The following OTC variants were observed in gnomAD, a reference collection of about 807,000 sequenced individuals.
OTC encodes the protein ornithine transcarbamylase, mitochondrial.
Under a neutral mutation model 30.3 loss-of-function variants are expected in OTC, and 3 were observed. The observed-to-expected ratio is 0.10, with a 90% CI of 0.05 to 0.26. The LOEUF (loss-of-function observed/expected upper bound fraction) is 0.26, where lower values mean the gene tolerates loss of function less well. Ranked by LOEUF, OTC falls within the 10% of genes least tolerant of loss-of-function variation. The pLI, the probability that OTC is intolerant of heterozygous loss-of-function variation, is 1.00. For missense variants in OTC, 194 were observed against 260.3 expected (o/e 0.75, Z 1.75); for synonymous variants, 111 against 99.7 (o/e 1.11, Z -0.67).
At chrX:38,365,565 T>C (rs2068291416) in intron 1 of OTC, among the ~76,000 whole-genome samples, 1 of 112,214 alleles carries the variant, frequency 8.9e-6, no homozygotes, top group Non-Finnish European at 1.9e-5. Context: ...AAGAGAGGGG[T>C]TGGAAATTAG....
the OTC span, among the ~76,000 whole-genome samples, chrX:38,332,531 T>TATATATATATATATA: frequency 2.2e-5 from 2 of 90,855 alleles, no homozygotes; most frequent in African/African-American, 8.1e-5. Context: ...TATATATATA[T>TATATATATATATATA]ATCATATAAC....
chrX:38,364,989 C>A (rs1042927282), intron 1 of OTC, among the ~76,000 whole-genome samples: 1 of 112,238 alleles, frequency 8.9e-6, no homozygotes, highest in African/African-American at 3.2e-5. Context: ...GTGCAATATT[C>A]ACTTGTCTAA....
chrX:38,331,430 TG>T, the OTC span, among the ~76,000 whole-genome samples: 42 of 86,949 alleles, frequency 4.8e-4, no homozygotes, highest in Non-Finnish European at 8.4e-4. Context: ...ATTTTTTTTT[TG>T]TTTTTTTTTT....
rs763076530 is a variant in OTC at position 38,412,011 on chromosome X, A to G, written c.1005+12A>G. 2 of 1,208,348 alleles carry G rather than the reference A, an allele frequency of 1.7e-6. No individual in the cohort carries two copies. Among genetic ancestry groups the G allele is most frequent in the Admixed American group, 4.3e-5 (2 of 46,018 alleles). ...AGTGGACAATCATGGTAAGCAAGAA[A>G]CAAGGAATGGAGGATAAGTTCTTTG... On this transcript the variant is annotated intron_variant, in intron 9 of 9. Coordinates refer to ENST00000039007, the MANE Select transcript of OTC (RefSeq NM_000531.6).
At chrX:38,352,301 T>C (rs1486777942), upstream of OTC, among the ~76,000 whole-genome samples, 3 of 112,127 alleles carry the variant, frequency 2.7e-5, no homozygotes, top group African/African-American at 9.7e-5. Flanking sequence ...ATTTGCATTT[T>C]CTGAGTGAGT....
rs397753538 is a variant in OTC at position 38,389,402 on chromosome X, T to TAA, written c.386+7982_386+7983dup. Among the ~76,000 whole-genome samples the TAA allele has an allele frequency of 4.6e-3, 475 of 103,785 alleles. 2 individuals are homozygous for TAA. Among genetic ancestry groups the TAA allele is most frequent in the African/African-American group, 0.011 (319 of 28,663 alleles). The allele number at this position is 103,785 out of a possible 115,157, so 90.1% of individuals were successfully genotyped here. On this transcript the variant is annotated intron_variant, in intron 4 of 9. Coordinates refer to ENST00000039007, the MANE Select transcript of OTC (RefSeq NM_000531.6). ...ATTGTCATATTAAAAGGAATATTTA[T>TAA]AAAAAAAAAAGCTGGAATACTGTTA...
chrX:38,363,678 A>C (rs1414990857), intron 1 of OTC, among the ~76,000 whole-genome samples: 1 of 111,490 alleles, frequency 9.0e-6, no homozygotes. Context: ...CTTGCTTCCA[A>C]AGTTATCAAA....
intron 4 of OTC, among the ~76,000 whole-genome samples, chrX:38,389,369 A>G (rs2068419848): frequency 9.9e-6 from 1 of 101,257 alleles, no homozygotes; most frequent in African/African-American, 3.7e-5. Flanking sequence ...CCTCAAGAGG[A>G]GTGAACCATT....
downstream of OTC, among the ~76,000 whole-genome samples, chrX:38,422,799 G>C (rs1270952441): frequency 9.0e-6 from 1 of 111,723 alleles, no homozygotes; most frequent in African/African-American, 3.3e-5. Flanking sequence ...CTTAACTTTT[G>C]CAAAGCTGTT....
intron 9 of OTC, among the ~76,000 whole-genome samples, chrX:38,412,485 G>C (rs976817642): frequency 9.0e-6 from 1 of 111,718 alleles, no homozygotes; most frequent in Admixed American, 9.5e-5. Context: ...GTGTTTTTAG[G>C]TATAGAACAT....
rs1240520971 is a variant in OTC, at chrX:38,421,331, TATTA to T, written c.*254_*257del. The T allele has an allele frequency of 4.5e-5, 16 of 355,185 alleles. No individual in the cohort carries two copies. The highest frequency in any genetic ancestry group is 3.6e-4 in the African/African-American group (14 of 38,430). The allele number at this position is 355,185 out of a possible 1,213,427, so 29.3% of individuals were successfully genotyped here. ...ATTTCTGAGTTACATTTAGATATCA[TATTA>T]ATTATCATATACATTTACTTCAACA... is the stretch of plus-strand genomic sequence containing the variant. On this transcript the variant is annotated 3_prime_UTR_variant, in exon 10 of 10. Coordinates refer to ENST00000039007, the MANE Select transcript of OTC (RefSeq NM_000531.6).
chrX:38,395,295 A>T (rs2068450036), intron 4 of OTC: 1 of 112,786 alleles, frequency 8.9e-6, no homozygotes, highest in African/African-American at 3.2e-5. Context: ...ACATTGGAGC[A>T]GCAGACTTTA....
At position 38,408,932 on chromosome X, in the gene OTC, T is replaced by C. The variant is rs777282515; in HGVS notation, c.774T>C (p.Asn258=). 2.5e-6 allele frequency: 3 copies of C among 1,209,279 alleles called. No individual in the cohort carries two copies. The highest frequency in any genetic ancestry group is 3.5e-5 in the South Asian group (2 of 56,781). ...CATTGGAAGCAGCGCATGGAGGCAA[T>C]GTATTAATTACAGACACTTGGATAA... ...NDPLEAAHGG[N]VLITDTWISM... The change falls in exon 8 of 10, where the codon AAT becomes AAC. Residue 258 remains asparagine (N), a synonymous_variant. Transcript: ENST00000039007.
intron 9 of OTC, among the ~76,000 whole-genome samples, chrX:38,420,713 AC>A (rs1400982559): frequency 9.0e-6 from 1 of 110,824 alleles, no homozygotes; most frequent in Non-Finnish European, 1.9e-5. Flanking sequence ...TATACTTATG[AC>A]TGGAAAATTC....
At chrX:38,391,766 A>T (rs1245185603) in intron 4 of OTC, among the ~76,000 whole-genome samples, 1 of 111,624 alleles carries the variant, frequency 9.0e-6, no homozygotes, top group Non-Finnish European at 1.9e-5. Flanking sequence ...CATCTTGTAC[A>T]TTTCTTTATT....
chrX:38,349,846 G>GT (rs1374626859), upstream of OTC, among the ~76,000 whole-genome samples: 1 of 111,773 alleles, frequency 8.9e-6, no homozygotes, highest in African/African-American at 3.3e-5. Context: ...GATACTCGTA[G>GT]TTTTTTGTTT....
chrX:38,353,923 G>A (rs1460545391), intron 1 of OTC, among the ~76,000 whole-genome samples: 2 of 111,766 alleles, frequency 1.8e-5, no homozygotes, highest in Non-Finnish European at 3.8e-5. Flanking sequence ...CAGAATGACT[G>A]TGGGGTTTAC....
chrX:38,384,558 C>A (rs1401447628), intron 4 of OTC, among the ~76,000 whole-genome samples: 1 of 112,162 alleles, frequency 8.9e-6, no homozygotes, highest in African/African-American at 3.2e-5. Context: ...CACCTTGTAA[C>A]CCTCAGCAAT....
At chrX:38,397,057 CA>C (rs1004240567) in intron 4 of OTC, among the ~76,000 whole-genome samples, 39 of 107,773 alleles carry the variant, frequency 3.6e-4, no homozygotes, top group African/African-American at 1.3e-3. Flanking sequence ...ACTATATGAA[CA>C]GAAATATACT....
Sources: gnomAD v4.1 joint callset for allele counts (sites outside exome capture counted in the v4.1 genomes callset) on GRCh38, gnomAD v4.1.1 for gene constraint, MANE v1.5 for transcripts, NCBI Gene and HGNC (gene_info 2026-07-23, HGNC 2026-07-21) for gene names.